NRG3: variants seen among roughly 807,000 people sequenced by gnomAD.
The protein encoded by NRG3 is neuregulin 3.
In NRG3, 31 loss-of-function variants were observed where a neutral mutation model predicts 66.9. That is an observed-to-expected ratio of 0.46 (90% confidence interval 0.35 to 0.63). The LOEUF is 0.63. NRG3 is among the 20% of genes least tolerant of loss of function. The probability of loss-of-function intolerance (pLI) is 0.00; values close to 1 mark genes in which losing one functional copy is unlikely to be tolerated. For synonymous variants in NRG3, 393 were observed against 359.4 expected (o/e 1.09, Z -1.06); for missense variants, 910 against 878.9 (o/e 1.04, Z -0.45).
intron 2 of NRG3, among the ~76,000 whole-genome samples, chr10:82,630,355 CTTT>C (rs5786556): frequency 4.8e-4 from 64 of 133,726 alleles, no homozygotes; most frequent in Middle Eastern, 7.6e-3. Flanking sequence ...ATATGGTTTT[CTTT>C]TTTTTTTTTT....
chr10:81,912,464 C>G (rs1845261129), intron 1 of NRG3, among the ~76,000 whole-genome samples: 1 of 152,202 alleles, frequency 6.6e-6, no homozygotes, highest in African/African-American at 2.4e-5. Context: ...TCAAGGGATT[C>G]TCTTGCCGTG....
intron 1 of NRG3, among the ~76,000 whole-genome samples, chr10:81,979,000 C>G (rs1365017340): frequency 6.6e-6 from 1 of 151,974 alleles, no homozygotes; most frequent in Non-Finnish European, 1.5e-5. Flanking sequence ...ACCATCCTGG[C>G]CAACATGATG....
At chr10:82,937,152 A>C (rs1848153441) in intron 4 of NRG3, among the ~76,000 whole-genome samples, 1 of 152,214 alleles carries the variant, frequency 6.6e-6, no homozygotes, top group Non-Finnish European at 1.5e-5. Flanking sequence ...AATAGTTTAC[A>C]TGTTACCTCT....
intron 1 of NRG3, among the ~76,000 whole-genome samples, chr10:81,945,601 A>G (rs758344137): frequency 8.5e-5 from 13 of 152,166 alleles, no homozygotes; most frequent in Admixed American, 3.3e-4. Context: ...AGAGTTAACT[A>G]TAAGGCCACC....
chr10:82,240,607 TAGTGGA>T (rs1342714589), intron 1 of NRG3, among the ~76,000 whole-genome samples: 1 of 152,138 alleles, frequency 6.6e-6, no homozygotes, highest in East Asian at 1.9e-4. Flanking sequence ...GGGGATAATC[TAGTGGA>T]GGAAGATGGC....
At chr10:82,803,088 G>A (rs766104715) in intron 3 of NRG3, among the ~76,000 whole-genome samples, 6 of 152,166 alleles carry the variant, frequency 3.9e-5, no homozygotes, top group Non-Finnish European at 5.9e-5. Flanking sequence ...GAAACCGTCT[G>A]AGGCTATGTG....
At chr10:82,777,574 A>G (rs1172780254) in intron 3 of NRG3, among the ~76,000 whole-genome samples, 1 of 152,154 alleles carries the variant, frequency 6.6e-6, no homozygotes, top group Non-Finnish European at 1.5e-5. Context: ...CTTGAAACCA[A>G]GAGAACAGGG....
At chr10:82,544,657 C>T (rs1054022486) in intron 2 of NRG3, among the ~76,000 whole-genome samples, 1 of 152,160 alleles carries the variant, frequency 6.6e-6, no homozygotes, top group African/African-American at 2.4e-5. Context: ...GTTTGCTCTA[C>T]ACATCCATTG....
chr10:82,361,792 A>G (rs895205758), intron 2 of NRG3, among the ~76,000 whole-genome samples: 1 of 152,146 alleles, frequency 6.6e-6, no homozygotes, highest in Non-Finnish European at 1.5e-5. Flanking sequence ...AAGTTAAATA[A>G]GATGCCATTT....
intron 2 of NRG3, among the ~76,000 whole-genome samples, chr10:82,377,435 CGTGTGTGT>C (rs200662785): frequency 7.6e-6 from 1 of 132,222 alleles, no homozygotes; most frequent in African/African-American, 2.6e-5. Context: ...TGTGTGTGCG[CGTGTGTGT>C]GTGTGTGTGT....
intron 1 of NRG3, among the ~76,000 whole-genome samples, chr10:82,274,689 C>G (rs73306616): frequency 0.016 from 2,499 of 152,034 alleles, 69 homozygotes; most frequent in African/African-American, 0.057. Context: ...TAACCAAGTC[C>G]AAACTGGTAA....
At chr10:82,068,382 C>A (rs1028880632) in intron 1 of NRG3, among the ~76,000 whole-genome samples, 13 of 152,266 alleles carry the variant, frequency 8.5e-5, no homozygotes, top group African/African-American at 3.1e-4. Context: ...CATTGATTCC[C>A]TCCTTTATTC....
intron 1 of NRG3, among the ~76,000 whole-genome samples, chr10:82,019,391 A>G (rs188041493): frequency 6.6e-6 from 1 of 152,084 alleles, no homozygotes; most frequent in Non-Finnish European, 1.5e-5. Context: ...TATGATCTAA[A>G]ATTCTGTTTT....
chr10:82,701,582 A>G (rs962290052), intron 2 of NRG3, among the ~76,000 whole-genome samples: 1 of 152,196 alleles, frequency 6.6e-6, no homozygotes, highest in Non-Finnish European at 1.5e-5. Flanking sequence ...AGAACAGTTC[A>G]ATAAACTCTG....
At chr10:82,251,220 T>A (rs1054839345) in intron 1 of NRG3, among the ~76,000 whole-genome samples, 1 of 152,188 alleles carries the variant, frequency 6.6e-6, no homozygotes, top group African/African-American at 2.4e-5. Flanking sequence ...CCACTGGGCC[T>A]ATAGGAACTT....
At chr10:82,193,493 T>C (rs2074276473) in intron 1 of NRG3, among the ~76,000 whole-genome samples, 1 of 152,184 alleles carries the variant, frequency 6.6e-6, no homozygotes, top group South Asian at 2.1e-4. Context: ...TAAAAACTGA[T>C]TGTAGAGGAA....
At chr10:82,078,538 G>GACAGGGTTTC (rs1284746046) in intron 1 of NRG3, among the ~76,000 whole-genome samples, 1 of 152,150 alleles carries the variant, frequency 6.6e-6, no homozygotes, top group Non-Finnish European at 1.5e-5. Flanking sequence ...TTTTAGTAGA[G>GACAGGGTTTC]ACAGGGTTTC....
intron 2 of NRG3, among the ~76,000 whole-genome samples, chr10:82,657,981 A>C (rs1209080966): frequency 1.3e-5 from 2 of 152,126 alleles, no homozygotes; most frequent in Non-Finnish European, 2.9e-5. Flanking sequence ...ATGAAACAAA[A>C]GAAAATCTGA....
At chr10:82,515,221 A>G (rs570787016) in intron 2 of NRG3, among the ~76,000 whole-genome samples, 81 of 152,356 alleles carry the variant, frequency 5.3e-4, no homozygotes, top group African/African-American at 1.8e-3. Context: ...AATGTAACAG[A>G]ACAAAACAAA....
Sources: allele counts gnomAD v4.1 joint callset (sites outside exome capture counted in the v4.1 genomes callset), GRCh38; gene constraint gnomAD v4.1.1; transcripts MANE v1.5; gene names NCBI Gene and HGNC (gene_info 2026-07-23, HGNC 2026-07-21).